EXOC4: variants seen among roughly 807,000 people sequenced by gnomAD.
The protein encoded by EXOC4 is SEC8-like 1.
A neutral mutation model predicts 107.2 loss-of-function variants in EXOC4; 71 were observed. The observed-to-expected ratio is 0.66, with a 90% confidence interval of 0.55 to 0.81. The LOEUF (loss-of-function observed/expected upper bound fraction) is 0.81. EXOC4 is among the 30% of genes least tolerant of loss of function. The pLI, the probability that EXOC4 is intolerant of heterozygous loss-of-function variation, is 0.00. For synonymous variants in EXOC4, 456 were observed against 441.2 expected, an observed-to-expected ratio of 1.03 and a Z score of -0.42; for missense variants, 1,108 against 1,189.6, an observed-to-expected ratio of 0.93 and a Z score of 1.01.
intron 15 of EXOC4, 99 bp from the exon 16 acceptor site, chr7:134,004,813 A>C: frequency 1.0e-6 from 1 of 976,808 alleles, no homozygotes; most frequent in South Asian, 1.7e-5. Context: ...ACATTTATTA[A>C]TGATAATTTA....
At chr7:133,763,785 A>C (rs1029991901) in intron 10 of EXOC4, among the ~76,000 whole-genome samples, 2 of 151,736 alleles carry the variant, frequency 1.3e-5, no homozygotes, top group Non-Finnish European at 2.9e-5. Flanking sequence ...TGTTTTTTTA[A>C]TTTACTAGGG....
chr7:133,640,597 C>T (rs1802830082), intron 10 of EXOC4, among the ~76,000 whole-genome samples: 1 of 152,074 alleles, frequency 6.6e-6, no homozygotes, highest in African/African-American at 2.4e-5. Context: ...GAGCAGTGTC[C>T]AGCAGAGCAG....
At chr7:133,973,799 A>G (rs1157175805) in intron 14 of EXOC4, among the ~76,000 whole-genome samples, 2 of 152,354 alleles carry the variant, frequency 1.3e-5, no homozygotes, top group Admixed American at 1.3e-4. Flanking sequence ...CTATAACACA[A>G]TACCTGAGGC....
intron 10 of EXOC4, among the ~76,000 whole-genome samples, chr7:133,723,769 G>GCTCA (rs1473610311): frequency 1.3e-5 from 2 of 152,102 alleles, no homozygotes; most frequent in Non-Finnish European, 2.9e-5. Context: ...GGGACTACAG[G>GCTCA]CGTGAGTCAC....
intron 10 of EXOC4, among the ~76,000 whole-genome samples, chr7:133,684,223 A>G (rs1794246425): frequency 6.6e-6 from 1 of 152,186 alleles, no homozygotes; most frequent in Non-Finnish European, 1.5e-5. Context: ...CTTGCTTTAC[A>G]AATCAAAGTG....
intron 7 of EXOC4, among the ~76,000 whole-genome samples, chr7:133,431,133 G>T (rs1306327939): frequency 6.6e-6 from 1 of 152,184 alleles, no homozygotes; most frequent in Non-Finnish European, 1.5e-5. Context: ...TTCTGGTCCT[G>T]ATTTCCTTGC....
intron 7 of EXOC4, among the ~76,000 whole-genome samples, chr7:133,390,465 C>T (rs1319089145): frequency 4.6e-5 from 7 of 152,182 alleles, no homozygotes; most frequent in Admixed American, 2.0e-4. Flanking sequence ...AAATAAAAGC[C>T]GAGTCCATAA....
chr7:134,020,246 T>C (rs1794998916), intron 17 of EXOC4, among the ~76,000 whole-genome samples: 1 of 152,202 alleles, frequency 6.6e-6, no homozygotes, highest in Non-Finnish European at 1.5e-5. Context: ...TGGAAACTCT[T>C]TGACTCCATC....
In EXOC4 at chr7:133,404,904, GCACACACACACA is replaced by G. The variant is rs35757786; in HGVS notation, c.1182+29911_1182+29922del. Among the ~76,000 whole-genome samples, 865 of 111,352 alleles carry G rather than the reference GCACACACACACA, an allele frequency of 7.8e-3. 12 individuals are homozygous for G. The highest frequency in any genetic ancestry group is 0.029 in the African/African-American group (791 of 27,650). 73.1% of individuals were successfully genotyped at this position (111,352 alleles called of 152,430 possible). ...CCCCAATACACACACACACACACACGCACACACACACACACACACATTAGTTGGGTGTGATAA... is the reference window on the plus strand; with the variant it reads ...CCCCAATACACACACACACACACACGCACACACATTAGTTGGGTGTGATAA... On this transcript the variant is annotated intron_variant, in intron 7 of 17. Coordinates refer to ENST00000253861, the MANE Select transcript of EXOC4 (RefSeq NM_021807.4).
chr7:133,771,303 G>A (rs931655999), intron 10 of EXOC4: 6 of 151,846 alleles, frequency 4.0e-5, no homozygotes, highest in African/African-American at 1.5e-4. Context: ...TTGCTTTGTT[G>A]CAGTGTGTCA....
At chr7:133,823,849 AT>A (rs1797594172) in intron 11 of EXOC4, among the ~76,000 whole-genome samples, 1 of 10,316 alleles carries the variant, frequency 9.7e-5, no homozygotes, top group African/African-American at 1.6e-3. Flanking sequence ...TATATTATAT[AT>A]ATATATATAT....
At chr7:133,395,864 CT>C (rs952401069) in intron 7 of EXOC4, among the ~76,000 whole-genome samples, 1 of 151,378 alleles carries the variant, frequency 6.6e-6, no homozygotes, top group Non-Finnish European at 1.5e-5. Context: ...TTTAGCTCTG[CT>C]TTTTTTGTTT....
chr7:133,669,646 G>C (rs1454279145), intron 10 of EXOC4, among the ~76,000 whole-genome samples: 1 of 152,188 alleles, frequency 6.6e-6, no homozygotes, highest in Admixed American at 6.5e-5. Flanking sequence ...TTCTAAATAT[G>C]TACAGTTTTA....
chr7:134,040,451 C>G (rs1795488705), intron 17 of EXOC4, among the ~76,000 whole-genome samples: 1 of 152,180 alleles, frequency 6.6e-6, no homozygotes, highest in Admixed American at 6.5e-5. Flanking sequence ...GCCTTCAAAA[C>G]ACATCGCACT....
At chr7:133,426,042 G>A (rs1797718778) in intron 7 of EXOC4, among the ~76,000 whole-genome samples, 1 of 152,184 alleles carries the variant, frequency 6.6e-6, no homozygotes. Context: ...CATGAGGGTT[G>A]TGCCATTGGC....
At chr7:133,642,086 G>A (rs1375175185) in intron 10 of EXOC4, among the ~76,000 whole-genome samples, 1 of 152,134 alleles carries the variant, frequency 6.6e-6, no homozygotes, top group African/African-American at 2.4e-5. Flanking sequence ...CATTCAGTGG[G>A]AGTTGACAGT....
chr7:134,073,871 T>A, the EXOC4 span, among the ~76,000 whole-genome samples: 2 of 152,002 alleles, frequency 1.3e-5, no homozygotes, highest in Non-Finnish European at 2.9e-5. Flanking sequence ...CATCAGGGCA[T>A]CCTGATCACT....
At position 133,388,930 on chromosome 7, in the gene EXOC4, G is replaced by C. The variant is rs116203454; in HGVS notation, c.1182+13928G>C. Reference sequence around the variant, plus strand: ...ATTTTCCACAGTGTGGCTGGCTTTGGCTGATTGCTAGCGTCATTTGCTATT... The same window carrying C: ...ATTTTCCACAGTGTGGCTGGCTTTGCCTGATTGCTAGCGTCATTTGCTATT... On this transcript the variant is annotated intron_variant, in intron 7 of 17. Coordinates refer to ENST00000253861, the MANE Select transcript of EXOC4 (RefSeq NM_021807.4). Among the ~76,000 whole-genome samples the C allele has an allele frequency of 5.0e-3, 763 of 152,204 alleles. 6 individuals carry two copies. The highest frequency in any genetic ancestry group is 0.017 in the African/African-American group (712 of 41,524).
chr7:133,361,466 G>C (rs899390949), intron 6 of EXOC4, among the ~76,000 whole-genome samples: 2 of 152,114 alleles, frequency 1.3e-5, no homozygotes, highest in Non-Finnish European at 2.9e-5. Context: ...ATTTTTTGTA[G>C]AGACGGGGTT....
Sources: gnomAD v4.1 joint callset for allele counts (sites outside exome capture counted in the v4.1 genomes callset) on GRCh38, gnomAD v4.1.1 for gene constraint, MANE v1.5 for transcripts, NCBI Gene and HGNC (gene_info 2026-07-23, HGNC 2026-07-21) for gene names.